EML1: variants seen among roughly 807,000 people sequenced by gnomAD.
The protein encoded by EML1 is EMAP like 1.
A neutral mutation model predicts 110.4 loss-of-function variants in EML1; 27 were observed. That is an observed-to-expected ratio of 0.24 (90% CI 0.18 to 0.34). The LOEUF is 0.34. Among genes scored for constraint, EML1 ranks in the 10% least tolerant of loss-of-function variants. The pLI, the probability that EML1 is intolerant of heterozygous loss-of-function variation, is 1.00. For missense variants in EML1, 741 were observed against 1,030.9 expected, an observed-to-expected ratio of 0.72 and a Z score of 3.85; for synonymous variants, 344 against 385.8, an observed-to-expected ratio of 0.89 and a Z score of 1.27.
At chr14:99,790,927 G>A (rs1053464659), upstream of EML1, among the ~76,000 whole-genome samples, 18 of 147,122 alleles carry the variant, frequency 1.2e-4, no homozygotes, top group African/African-American at 4.5e-4. Flanking sequence ...GTGTGATCTT[G>A]GCTCACTGCA....
chr14:99,771,266 C>T (rs1326395626), upstream of EML1, among the ~76,000 whole-genome samples: 1 of 152,194 alleles, frequency 6.6e-6, no homozygotes, highest in African/African-American at 2.4e-5. Context: ...CTCTGGGCAA[C>T]CATTAATCTA....
At chr14:99,794,275 A>G (rs2057727917) in intron 1 of EML1, among the ~76,000 whole-genome samples, 1 of 152,150 alleles carries the variant, frequency 6.6e-6, no homozygotes, top group Non-Finnish European at 1.5e-5. Context: ...AAAGATTTTC[A>G]TAGCACACTG....
intron 4 of EML1, among the ~76,000 whole-genome samples, chr14:99,882,127 T>A (rs1229360823): frequency 6.6e-6 from 1 of 152,256 alleles, no homozygotes; most frequent in Admixed American, 6.5e-5. Flanking sequence ...TATTTTACTT[T>A]ATGTATTATT....
intron 2 of EML1, among the ~76,000 whole-genome samples, chr14:99,851,433 G>A (rs1341457412): frequency 1.3e-5 from 2 of 151,986 alleles, no homozygotes; most frequent in Admixed American, 6.6e-5. Flanking sequence ...TCAGCCCCAC[G>A]AGTAGCTGGG....
At chr14:99,750,096 A>G (rs1177751452) in intron 1 of EML1, among the ~76,000 whole-genome samples, 1 of 152,188 alleles carries the variant, frequency 6.6e-6, no homozygotes, top group Non-Finnish European at 1.5e-5. Context: ...TGTGGCCGTC[A>G]CCTGAGCCTG....
At chr14:99,777,738 T>C (rs1415714409) in intron 1 of EML1, among the ~76,000 whole-genome samples, 2 of 152,208 alleles carry the variant, frequency 1.3e-5, no homozygotes, top group Non-Finnish European at 2.9e-5. Flanking sequence ...TTTCTTGAAA[T>C]AACATGCATA....
chr14:99,906,395 C>G (rs2059846847), intron 9 of EML1, among the ~76,000 whole-genome samples: 1 of 152,152 alleles, frequency 6.6e-6, no homozygotes, highest in African/African-American at 2.4e-5. Flanking sequence ...TGATGATATA[C>G]TAAGTGAGGG....
At chr14:99,846,853 T>C (rs2058714991) in intron 1 of EML1, among the ~76,000 whole-genome samples, 1 of 152,178 alleles carries the variant, frequency 6.6e-6, no homozygotes, top group South Asian at 2.1e-4. Context: ...ATTTACCAAA[T>C]ATTTATTGAG....
chr14:99,893,064 A>G (rs1274276702), intron 5 of EML1, among the ~76,000 whole-genome samples: 1 of 152,160 alleles, frequency 6.6e-6, no homozygotes. Context: ...TTCAGAAGAG[A>G]ACAGCATGAG....
Position 99,936,876 on chromosome 14 carries a change from C to T in EML1, c.2095+542C>T, listed in dbSNP as rs1372855143. ...CTTACAAGCACATCCTCATGCCACG[C>T]ACTGGTTCCTTAGACACCCACCAGG... On this transcript the variant is annotated intron_variant, in intron 19 of 21. Coordinates refer to ENST00000262233, the MANE Select transcript of EML1 (RefSeq NM_004434.3). The surrounding 1 kb of genome is among the most constrained non-coding windows in gnomAD (Gnocchi z 5.5). 1.3e-5 allele frequency among the ~76,000 whole-genome samples: 2 copies of T among 152,184 alleles called. No individual in the cohort carries two copies. The highest frequency in any genetic ancestry group is 3.9e-4 in the East Asian group (2 of 5,186).
At chr14:99,846,480 G>A (rs2058710544) in intron 1 of EML1, among the ~76,000 whole-genome samples, 1 of 151,792 alleles carries the variant, frequency 6.6e-6, no homozygotes, top group Non-Finnish European at 1.5e-5. Context: ...ATGGGGTTTT[G>A]CCATGTTGGC....
At chr14:99,915,977 C>T (rs997730073) in intron 15 of EML1, among the ~76,000 whole-genome samples, 1 of 152,146 alleles carries the variant, frequency 6.6e-6, no homozygotes, top group Admixed American at 6.5e-5. Flanking sequence ...GTGGAAGGGC[C>T]CAAGGGGCAG....
At chr14:99,760,937 G>C (rs2057307986) in intron 1 of EML1, among the ~76,000 whole-genome samples, 1 of 152,046 alleles carries the variant, frequency 6.6e-6, no homozygotes, top group Non-Finnish European at 1.5e-5. Flanking sequence ...AGACAACCAA[G>C]GCCTGAGCCA....
chr14:99,901,785 T>G (rs1249534928), intron 9 of EML1, among the ~76,000 whole-genome samples: 4 of 152,054 alleles, frequency 2.6e-5, no homozygotes, highest in Non-Finnish European at 5.9e-5. Context: ...ATCAGCAAGG[T>G]TTTTATGACC....
Position 99,745,972 on chromosome 14 carries a change from G to A in EML1, c.28+8112G>A, listed in dbSNP as rs182110597. ...ATTTGCCTCTCCAGCCCACTCTGGT[G>A]TCCTTGTCCTTAGGGTTAATAGACT... On this transcript the variant is annotated intron_variant, in intron 1 of 10. Transcript: ENST00000554479. 6.4e-4 allele frequency among the ~76,000 whole-genome samples: 98 copies of A among 152,286 alleles called. 1 individual carries two copies. In the Middle Eastern group the frequency reaches 0.017, roughly 26 times the overall value.
intron 1 of EML1, among the ~76,000 whole-genome samples, chr14:99,794,127 G>C (rs1330409323): frequency 6.6e-6 from 1 of 152,080 alleles, no homozygotes; most frequent in Non-Finnish European, 1.5e-5. Context: ...TTTGTTTATG[G>C]GATAATGGAT....
intron 4 of EML1, among the ~76,000 whole-genome samples, chr14:99,889,700 C>T (rs529160038): frequency 1.3e-5 from 2 of 152,044 alleles, no homozygotes; most frequent in South Asian, 4.1e-4. Context: ...GCCAGGTTCC[C>T]AGAACAGCAG....
At chr14:99,874,864 C>CT in intron 3 of EML1, 1 of 1,462,204 alleles carries the variant, frequency 6.8e-7, no homozygotes, top group South Asian at 1.3e-5. Context: ...TATCAAAATA[C>CT]TTTTCCACGC....
At chr14:99,777,888 G>T in intron 1 of EML1, among the ~76,000 whole-genome samples, 1 of 152,150 alleles carries the variant, frequency 6.6e-6, no homozygotes, top group Non-Finnish European at 1.5e-5. Flanking sequence ...TGGCTCAAGT[G>T]ATCCTCTCCC....
Sources: allele counts gnomAD v4.1 joint callset (sites outside exome capture counted in the v4.1 genomes callset), GRCh38; gene constraint gnomAD v4.1.1; non-coding constraint Gnocchi (gnomAD v3.1); transcripts MANE v1.5; gene names NCBI Gene and HGNC (gene_info 2026-07-23, HGNC 2026-07-21).